BIRC2: variants seen among roughly 807,000 people sequenced by gnomAD.
BIRC2 encodes the protein baculoviral IAP repeat containing 2.
A neutral mutation model predicts 60.9 loss-of-function variants in BIRC2; 18 were observed. The ratio of observed to expected loss-of-function variants is 0.30; its 90% confidence interval spans 0.20 to 0.44. The LOEUF (loss-of-function observed/expected upper bound fraction) is 0.44. BIRC2 is among the 20% of genes least tolerant of loss of function. The pLI is 1.00. For synonymous variants in BIRC2, 282 were observed against 247.7 expected (o/e 1.14, Z -1.30); for missense variants, 701 against 728.5 (o/e 0.96, Z 0.43).
Position 102,368,678 on chromosome 11 carries a change from C to A in BIRC2, c.1366+130C>A, listed in dbSNP as rs1382262169. On this transcript the variant is annotated intron_variant, in intron 6 of 8. Coordinates refer to ENST00000227758, the MANE Select transcript of BIRC2 (RefSeq NM_001166.5). ...TAGCAGTCCTCCAGTCATTTCGAAA[C>A]CATCCCTCCTTTTCTACCCCTTTCA... is the stretch of plus-strand genomic sequence containing the variant. 2.3e-6 allele frequency: 3 copies of A among 1,290,322 alleles called. No individual in the cohort carries two copies. The African/African-American group carries it at 4.5e-5, about 19-fold the overall frequency. 79.9% of individuals were successfully genotyped at this position (1,290,322 alleles called of 1,614,324 possible). A position where few individuals can be genotyped will look rare whatever the true frequency, so the allele number is the denominator to read the frequency against.
chr11:102,357,398 T>C (rs1161274006), intron 3 of BIRC2, among the ~76,000 whole-genome samples: 1 of 151,962 alleles, frequency 6.6e-6, no homozygotes. Context: ...TTGATAGAAC[T>C]GTGCTATGAG....
rs532498361 is a variant in BIRC2 at position 102,363,475 on chromosome 11, T to G, written c.1075-193T>G. Among the ~76,000 whole-genome samples the G allele has an allele frequency of 1.4e-4, 22 of 152,334 alleles. No individual in the cohort carries two copies. The East Asian group carries it at 4.2e-3, about 29-fold the overall frequency. On this transcript the variant is annotated intron_variant, in intron 4 of 8. Transcript: ENST00000227758. ...CCTGAAACTAGAGAAATACTTGATTTCTAATTTGGGATGACATGAAATTTA... is the reference window on the plus strand; with the variant it reads ...CCTGAAACTAGAGAAATACTTGATTGCTAATTTGGGATGACATGAAATTTA...
rs1951579884 is a variant in BIRC2 at position 102,368,526 on chromosome 11, A to G, written c.1344A>G (p.Lys448=). 6.2e-7 allele frequency: 1 copy of G among 1,613,300 alleles called. No homozygotes were observed. The highest frequency in any genetic ancestry group is 8.5e-7 in the Non-Finnish European group (1 of 1,179,806). Residue 448 remains lysine, a synonymous_variant, in exon 6 of 9, where the codon AAA becomes AAG. Transcript: ENST00000227758. ...AAAAAAGAGAAGAGGAGAAGGAAAAACAAGCTGAAGAAATGGCATCAGGTA... is the reference window on the plus strand; with the variant it reads ...AAAAAAGAGAAGAGGAGAAGGAAAAGCAAGCTGAAGAAATGGCATCAGGTA... ...EDEKREEEKE[K]QAEEMASDDL... is the part of the protein sequence containing the mutation.
At chr11:102,376,301 C>A (rs920195810) in intron 6 of BIRC2, among the ~76,000 whole-genome samples, 88 of 152,106 alleles carry the variant, frequency 5.8e-4, no homozygotes, top group African/African-American at 2.1e-3. Flanking sequence ...GGAGATAGCT[C>A]TTGTGCAAGT....
chr11:102,350,663 C>A lies in BIRC2; in HGVS notation c.809C>A (p.Ala270Glu), dbSNP rs199529630. ...SISNLSMQTH[A>E]ARMRTFMYWP... is the part of the protein sequence containing the mutation. ...TCAAATCTGAGCATGCAGACACATG[C>A]AGCTCGAATGAGAACATTTATGTAC... Residue 270 changes from alanine (A) to glutamate (E), a missense_variant, in exon 2 of 9, where the codon GCA becomes GAA. Physicochemically the swap from Ala to Glu is moderately radical, Grantham distance 107. Coordinates refer to ENST00000227758, the MANE Select transcript of BIRC2 (RefSeq NM_001166.5). 1 of 1,613,884 alleles carries A rather than the reference C, an allele frequency of 6.2e-7. No homozygotes were observed. Among genetic ancestry groups the A allele is most frequent in the Admixed American group, 1.7e-5 (1 of 60,028 alleles).
intron 6 of BIRC2, among the ~76,000 whole-genome samples, chr11:102,374,171 CAA>C (rs1000432247): frequency 1.3e-5 from 2 of 151,216 alleles, no homozygotes; most frequent in Non-Finnish European, 3.0e-5. Flanking sequence ...CTCAGCTCAT[CAA>C]AGTCATTCTC....
intron 5 of BIRC2, among the ~76,000 whole-genome samples, chr11:102,367,008 C>T (rs1951560340): frequency 1.3e-5 from 2 of 152,154 alleles, no homozygotes; most frequent in Non-Finnish European, 2.9e-5. Flanking sequence ...GCTTAGAAGA[C>T]TTCTTTGAGA....
At chr11:102,363,606 T>C in intron 4 of BIRC2, 62 bp from the exon 5 acceptor site, 1 of 1,290,028 alleles carries the variant, frequency 7.8e-7, no homozygotes, top group Non-Finnish European at 1.1e-6. Flanking sequence ...ATTTTAGTGT[T>C]GTTCTTTTCA....
Position 102,350,336 on chromosome 11 carries a change from T to C in BIRC2, c.482T>C (p.Leu161Pro), listed in dbSNP as rs1405505936. The part of the protein sequence containing the change: ...GSYSSLSPNP[L>P]NSRAVEDISS... The stretch of plus-strand genomic sequence containing the variant: ...TACTCCAGCCTTTCTCCAAACCCTC[T>C]TAATTCTAGAGCAGTTGAAGACATC... Residue 161 changes from leucine (L) to proline (P), a missense_variant, in exon 2 of 9, where the codon CTT becomes CCT. Leu to Pro is a moderately conservative substitution (Grantham distance 98). Transcript: ENST00000227758. 1 of 1,614,122 alleles carries C rather than the reference T, an allele frequency of 6.2e-7. No individual in the cohort carries two copies. Among genetic ancestry groups the C allele is most frequent in the Non-Finnish European group, 8.5e-7 (1 of 1,180,046 alleles).
chr11:102,353,786 C>G (rs536362160), intron 3 of BIRC2, among the ~76,000 whole-genome samples: 6 of 143,352 alleles, frequency 4.2e-5, no homozygotes, highest in African/African-American at 1.6e-4. Flanking sequence ...ATGTGCTGTA[C>G]ATTAGATCCT....
intron 6 of BIRC2, among the ~76,000 whole-genome samples, chr11:102,374,228 G>T (rs1951672270): frequency 6.6e-6 from 1 of 151,536 alleles, no homozygotes; most frequent in Admixed American, 6.6e-5. Flanking sequence ...CGTTCCTTTG[G>T]AAGAGGAGAG....
intron 7 of BIRC2, 49 bp downstream of exon 7, chr11:102,377,799 T>TG (rs758037506): frequency 3.1e-6 from 5 of 1,595,246 alleles, no homozygotes; most frequent in Non-Finnish European, 2.6e-6. Flanking sequence ...ACTGGCCAGA[T>TG]GCGGTGGCTC....
chr11:102,349,057 AAG>A lies in BIRC2; in HGVS notation c.-796_-795del, dbSNP rs1951322726. 1 of 152,746 alleles carries A rather than the reference AAG, an allele frequency of 6.5e-6. No individual in the cohort carries two copies. Among genetic ancestry groups the A allele is most frequent in the Non-Finnish European group, 1.5e-5 (1 of 68,306 alleles). 9.5% of individuals were successfully genotyped at this position (152,746 alleles called of 1,614,324 possible). On this transcript the variant is annotated 5_prime_UTR_variant, in exon 2 of 9. Transcript: ENST00000227758. ...AATAATAGTGGTATACAAAGTTAGG[AAG>A]AAAGTCAACATGATGCTGCAGGAAA...
chr11:102,372,598 A>G (rs1335779047), intron 6 of BIRC2, among the ~76,000 whole-genome samples: 6 of 147,072 alleles, frequency 4.1e-5, no homozygotes, highest in African/African-American at 1.0e-4. Flanking sequence ...TATGTGGTCA[A>G]TTTTGGAATA....
At chr11:102,373,449 A>C (rs1951659823) in intron 6 of BIRC2, among the ~76,000 whole-genome samples, 1 of 151,482 alleles carries the variant, frequency 6.6e-6, no homozygotes, top group Admixed American at 6.6e-5. Context: ...CTGGATATGA[A>C]ATTCTGGGTT....
chr11:102,371,828 A>G (rs1157214466), intron 6 of BIRC2, among the ~76,000 whole-genome samples: 2 of 151,826 alleles, frequency 1.3e-5, no homozygotes, highest in Non-Finnish European at 2.9e-5. Context: ...GCTATTGATT[A>G]TTGCCACAAT....
chr11:102,350,510 C>T lies in BIRC2; in HGVS notation c.656C>T (p.Ala219Val), dbSNP rs1951346526. The change falls in exon 2 of 9, where the codon GCC becomes GTC. Residue 219 changes from alanine to valine, a missense_variant. Around this residue, in one of 4 missense-constraint regions of BIRC2, gnomAD observed 375 missense variants for 365.9 expected, o/e 1.02. Transcript: ENST00000227758. ...FYYIGPGDRV[A>V]CFACGGKLSN... ...TATATAGGACCTGGAGATAGGGTAG[C>T]CTGCTTTGCCTGTGGTGGGAAGCTC... 1 of 1,614,064 alleles carries T rather than the reference C, an allele frequency of 6.2e-7. No individual in the cohort carries two copies. The highest frequency in any genetic ancestry group is 1.3e-5 in the African/African-American group (1 of 74,932).
intron 6 of BIRC2, among the ~76,000 whole-genome samples, chr11:102,374,901 C>T (rs1317334866): frequency 1.3e-5 from 2 of 152,236 alleles, no homozygotes; most frequent in African/African-American, 4.8e-5. Context: ...CTGAAAAGCG[C>T]AATATTCGGG....
rs34130638 is a variant in BIRC2 at position 102,365,743 on chromosome 11, AGT to A, written c.1123+2054_1123+2055del. On this transcript the variant is annotated intron_variant, in intron 5 of 8. Transcript: ENST00000227758. ...AGGCATGCACCATCACATTCAGCTAAGTGTGTGTGTGTGTGTGTGTGTGTGTG... is the reference window on the plus strand; with the variant it reads ...AGGCATGCACCATCACATTCAGCTAAGTGTGTGTGTGTGTGTGTGTGTGTG... 7.0e-3 allele frequency among the ~76,000 whole-genome samples: 1,039 copies of A among 147,402 alleles called. 6 individuals are homozygous for A. The highest frequency in any genetic ancestry group is 0.024 in the Admixed American group (351 of 14,780).
Sources: gnomAD v4.1 joint callset for allele counts (sites outside exome capture counted in the v4.1 genomes callset) on GRCh38, gnomAD v4.1.1 for gene constraint, gnomAD v4.1.1 regional missense constraint, MANE v1.5 for transcripts, NCBI Gene and HGNC (gene_info 2026-07-23, HGNC 2026-07-21) for gene names.